The following SLC36A1 variants were observed in gnomAD, a reference collection of about 807,000 sequenced individuals.
SLC36A1 encodes proton-coupled amino acid transporter 1.
Under a neutral mutation model 47.5 loss-of-function variants are expected in SLC36A1, and 30 were observed. That is an observed-to-expected ratio of 0.63 (90% CI 0.47 to 0.86). The LOEUF is 0.86. Ranked by LOEUF, SLC36A1 falls within the 40% of genes least tolerant of loss-of-function variation. The pLI is 0.00. For missense variants in SLC36A1, 517 were observed against 606.0 expected (o/e 0.85, Z 1.54); for synonymous variants, 255 against 249.7 (o/e 1.02, Z -0.20).
At chr5:151,474,159 C>CAAAAAAAAAAAAA (rs1156305401) in intron 8 of SLC36A1, among the ~76,000 whole-genome samples, 5 of 59,954 alleles carry the variant, frequency 8.3e-5, no homozygotes, top group African/African-American at 4.2e-4. Context: ...GACTCTGTCT[C>CAAAAAAAAAAAAA]AAAAAAAAAA....
chr5:151,441,261 A>G (rs1442868546), intron 1 of SLC36A1, among the ~76,000 whole-genome samples: 1 of 152,214 alleles, frequency 6.6e-6, no homozygotes, highest in Non-Finnish European at 1.5e-5. Flanking sequence ...GATCACTCCA[A>G]TATGGGCAAC....
the SLC36A1 span, among the ~76,000 whole-genome samples, chr5:151,417,836 T>C: frequency 6.6e-6 from 1 of 152,192 alleles, no homozygotes; most frequent in South Asian, 2.1e-4. Flanking sequence ...ACCAAATCAA[T>C]GGGGAAAACA....
At chr5:151,467,362 G>A (rs1296477236) in intron 6 of SLC36A1, 79 bp downstream of exon 6, 1 of 1,040,800 alleles carries the variant, frequency 9.6e-7, no homozygotes. Flanking sequence ...TTTTTGTTTA[G>A]GATTTTTTCC....
At chr5:151,552,629 G>C in the SLC36A1 span, among the ~76,000 whole-genome samples, 3 of 152,202 alleles carry the variant, frequency 2.0e-5, no homozygotes, top group African/African-American at 7.2e-5. Context: ...TCAGATTCCT[G>C]AAGGGTTCTG....
intron 3 of SLC36A1, among the ~76,000 whole-genome samples, chr5:151,464,278 G>A (rs1215319954): frequency 1.3e-5 from 2 of 152,144 alleles, no homozygotes; most frequent in African/African-American, 2.4e-5. Flanking sequence ...CTTATCTTAT[G>A]TCCTTCTTCT....
At chr5:151,467,173 T>C (rs1406493630) in intron 5 of SLC36A1, 26 bp from the exon 6 acceptor site, 1 of 1,555,592 alleles carries the variant, frequency 6.4e-7, no homozygotes, top group Admixed American at 1.8e-5. Flanking sequence ...TAACAGTCTT[T>C]GTATTCCTTC....
upstream of SLC36A1, among the ~76,000 whole-genome samples, chr5:151,433,062 A>G (rs1356014949): frequency 6.6e-6 from 1 of 151,126 alleles, no homozygotes; most frequent in Non-Finnish European, 1.5e-5. Flanking sequence ...TGTTACATGG[A>G]GGTAGAAAAT....
chr5:151,511,777 C>G, the SLC36A1 span: 22 of 190,380 alleles, frequency 1.2e-4, no homozygotes, highest in South Asian at 1.2e-3. Flanking sequence ...TGCAAGAACT[C>G]ATTCAAAAAC....
chr5:151,544,387 T>A, the SLC36A1 span: 1 of 1,614,188 alleles, frequency 6.2e-7, no homozygotes, highest in Non-Finnish European at 8.5e-7. Context: ...CAGAGCTGTA[T>A]CCGTGGCTCT....
chr5:151,494,186 A>G (rs1760275027), downstream of SLC36A1, among the ~76,000 whole-genome samples: 2 of 152,094 alleles, frequency 1.3e-5, no homozygotes, highest in Admixed American at 6.5e-5. Context: ...GCTCTTTGCT[A>G]TGTAGGTTGC....
the SLC36A1 span, chr5:151,534,332 A>G: frequency 3.4e-6 from 4 of 1,190,202 alleles, no homozygotes; most frequent in Non-Finnish European, 4.8e-6. Context: ...TCCTAGAGAG[A>G]CACAAAGGGG....
chr5:151,480,580 T>A (rs1758666724), intron 10 of SLC36A1, among the ~76,000 whole-genome samples: 1 of 152,222 alleles, frequency 6.6e-6, no homozygotes, highest in Admixed American at 6.5e-5. Context: ...GAAAGCCAGC[T>A]GCTGTTCCCA....
At chr5:151,546,258 A>G in the SLC36A1 span, 2 of 1,614,072 alleles carry the variant, frequency 1.2e-6, no homozygotes, top group African/African-American at 2.7e-5. Context: ...TATGTGGGGC[A>G]TGATTTGCCT....
chr5:151,544,260 G>C, the SLC36A1 span: 1 of 1,614,180 alleles, frequency 6.2e-7, no homozygotes, highest in Non-Finnish European at 8.5e-7. Context: ...GGATCACAGG[G>C]GTCTGAGCAG....
chr5:151,355,428 G>GT, the SLC36A1 span, among the ~76,000 whole-genome samples: 1 of 152,102 alleles, frequency 6.6e-6, no homozygotes, highest in Non-Finnish European at 1.5e-5. Context: ...AGTGAATTTG[G>GT]TAATATCTAT....
the SLC36A1 span, among the ~76,000 whole-genome samples, chr5:151,408,329 C>T: frequency 6.6e-6 from 1 of 152,118 alleles, no homozygotes; most frequent in Non-Finnish European, 1.5e-5. Context: ...GCTGGGACTA[C>T]AGGCACACAC....
intron 3 of SLC36A1, 61 bp from the exon 4 acceptor site, chr5:151,464,453 G>T: frequency 7.0e-7 from 1 of 1,419,480 alleles, no homozygotes; most frequent in Non-Finnish European, 9.9e-7. Context: ...GTATCCATTG[G>T]GTTCACTCCT....
rs373570099 is a variant in SLC36A1 at position 151,473,223 on chromosome 5, T to TAGATAGATAGATAGAA, written c.724-447_724-446insTAGATAGATAGAAAGA. 4.1e-4 allele frequency among the ~76,000 whole-genome samples: 55 copies of TAGATAGATAGATAGAA among 134,008 alleles called. 2 individuals are homozygous for TAGATAGATAGATAGAA. Among genetic ancestry groups the TAGATAGATAGATAGAA allele is most frequent in the African/African-American group, 6.9e-4 (25 of 36,166 alleles). 87.9% of individuals were successfully genotyped at this position (134,008 alleles called of 152,430 possible). On this transcript the variant is annotated intron_variant, in intron 7 of 10. Transcript: ENST00000243389. ...ATAGATAGATAGATAGATAGATAGA[T>TAGATAGATAGATAGAA]AGAATATATATTCTGTGGTTTAGCT...
intron 10 of SLC36A1, among the ~76,000 whole-genome samples, chr5:151,481,051 T>C (rs1435362676): frequency 6.6e-6 from 1 of 152,222 alleles, no homozygotes; most frequent in African/African-American, 2.4e-5. Flanking sequence ...GTAGCATATG[T>C]CACACTTCCT....
Sources: gnomAD v4.1 joint callset for allele counts (sites outside exome capture counted in the v4.1 genomes callset) on GRCh38, gnomAD v4.1.1 for gene constraint, MANE v1.5 for transcripts, NCBI Gene and HGNC (gene_info 2026-07-23, HGNC 2026-07-21) for gene names.